The following SUSD4 variants were observed in gnomAD, a reference collection of about 807,000 sequenced individuals.
SUSD4 encodes sushi domain containing 4, also known as sushi domain-containing protein 4.
In SUSD4, 41 loss-of-function variants were observed where a neutral mutation model predicts 50.5. The ratio of observed to expected loss-of-function variants is 0.81; its 90% CI spans 0.63 to 1.05. The LOEUF (loss-of-function observed/expected upper bound fraction) is 1.05, where lower values mean the gene tolerates loss of function less well. Among genes scored for constraint, SUSD4 ranks in the 50% least tolerant of loss-of-function variants. The pLI, the probability that SUSD4 is intolerant of heterozygous loss-of-function variation, is 0.00. For synonymous variants in SUSD4, 257 were observed against 257.3 expected (o/e 1.00, Z 0.01); for missense variants, 580 against 634.7 (o/e 0.91, Z 0.93).
intron 2 of SUSD4, among the ~76,000 whole-genome samples, chr1:223,342,217 T>C (rs1667798508): frequency 1.3e-5 from 2 of 152,178 alleles, no homozygotes; most frequent in Non-Finnish European, 2.9e-5. Context: ...ACTGAAGTCA[T>C]GTTCTCTAGG....
chr1:223,222,234 G>T lies in SUSD4; in HGVS notation c.1445-14C>A. The T allele has an allele frequency of 6.2e-7, 1 of 1,613,436 alleles. No individual in the cohort carries two copies. Among genetic ancestry groups the T allele is most frequent in the Non-Finnish European group, 8.5e-7 (1 of 1,179,702 alleles). ...TTAGAGGAATCTCTGTAAAAGAAGA[G>T]ACGGTTATTAGCTTAACATAACCAG... On this transcript the variant is annotated splice_polypyrimidine_tract_variant and intron_variant, in intron 8 of 8. Coordinates refer to ENST00000366878, the MANE Select transcript of SUSD4 (RefSeq NM_017982.4).
intron 5 of SUSD4, among the ~76,000 whole-genome samples, chr1:223,230,341 A>G (rs1659811147): frequency 1.3e-5 from 2 of 152,032 alleles, no homozygotes; most frequent in East Asian, 1.9e-4. Flanking sequence ...AGATTCTATC[A>G]GTGCCAACTT....
chr1:223,262,860 C>T (rs1202040435), intron 5 of SUSD4, among the ~76,000 whole-genome samples: 1 of 152,186 alleles, frequency 6.6e-6, no homozygotes. Context: ...AGCTGTCAGC[C>T]AGGGTTTTCC....
At chr1:223,302,306 A>T (rs779620916) in intron 2 of SUSD4, among the ~76,000 whole-genome samples, 2 of 152,336 alleles carry the variant, frequency 1.3e-5, no homozygotes, top group Admixed American at 1.3e-4. Context: ...TCTTTATAGC[A>T]GTGTGAGAAC....
At chr1:223,345,585 A>C (rs892647102) in intron 2 of SUSD4, among the ~76,000 whole-genome samples, 1 of 152,182 alleles carries the variant, frequency 6.6e-6, no homozygotes, top group Non-Finnish European at 1.5e-5. Context: ...CTGAACACTG[A>C]TTATAATTAC....
chr1:223,293,031 A>G (rs1280922616), intron 2 of SUSD4, among the ~76,000 whole-genome samples: 3 of 152,142 alleles, frequency 2.0e-5, no homozygotes, highest in Non-Finnish European at 4.4e-5. Context: ...GCCTTGAGGA[A>G]GGGGTGAAAT....
intron 5 of SUSD4, among the ~76,000 whole-genome samples, chr1:223,232,876 A>T (rs1444413900): frequency 2.0e-5 from 3 of 152,202 alleles, no homozygotes; most frequent in African/African-American, 7.2e-5. Context: ...AATGAGTGAA[A>T]CAATTCCCAA....
chr1:223,342,407 A>C (rs1667808811), intron 2 of SUSD4, among the ~76,000 whole-genome samples: 1 of 152,252 alleles, frequency 6.6e-6, no homozygotes, highest in Admixed American at 6.5e-5. Flanking sequence ...CAAAATTAAC[A>C]AAATGATTCC....
Position 223,342,717 on chromosome 1 carries a change from A to G in SUSD4, c.148+20561T>C, listed in dbSNP as rs1667824688. Reference sequence around the variant, plus strand: ...CTAACCATCTGGATAAAAATTAACAATATCCTTACATTTCCCAGCACGCAA... The same window carrying G: ...CTAACCATCTGGATAAAAATTAACAGTATCCTTACATTTCCCAGCACGCAA... On this transcript the variant is annotated intron_variant, in intron 2 of 8. Transcript: ENST00000366878. 2.0e-5 allele frequency among the ~76,000 whole-genome samples: 3 copies of G among 152,382 alleles called. No individual in the cohort carries two copies. In the South Asian group the frequency reaches 6.2e-4, roughly 32 times the overall value.
rs187989742 is a variant in SUSD4, at chr1:223,333,136, C to T, written c.148+30142G>A. ...CAATCCAGGCACTGACTGTAACCTC[C>T]CCCGTTACGGTGACGGCAAAATGGT... On this transcript the variant is annotated intron_variant, in intron 2 of 8. Transcript: ENST00000366878. 2.0e-4 allele frequency among the ~76,000 whole-genome samples: 30 copies of T among 152,232 alleles called. No individual in the cohort carries two copies. In the East Asian group the frequency reaches 2.9e-3, roughly 15 times the overall value.
At chr1:223,341,365 C>G (rs955975694) in intron 2 of SUSD4, among the ~76,000 whole-genome samples, 2 of 152,230 alleles carry the variant, frequency 1.3e-5, no homozygotes, top group Admixed American at 1.3e-4. Flanking sequence ...TTAAAAATAG[C>G]AAAGCCACGG....
chr1:223,284,869 G>C (rs1018090089), intron 3 of SUSD4, among the ~76,000 whole-genome samples: 1 of 152,146 alleles, frequency 6.6e-6, no homozygotes, highest in Non-Finnish European at 1.5e-5. Flanking sequence ...GGGAAGGGTA[G>C]GGGAAAGGGT....
intron 2 of SUSD4, among the ~76,000 whole-genome samples, chr1:223,356,195 T>C (rs1485769375): frequency 1.3e-5 from 2 of 152,040 alleles, no homozygotes; most frequent in Non-Finnish European, 2.9e-5. Context: ...GATAGTTTTC[T>C]TCTCTCTTAG....
intron 2 of SUSD4, among the ~76,000 whole-genome samples, chr1:223,321,516 T>C (rs992637906): frequency 6.6e-6 from 1 of 152,246 alleles, no homozygotes; most frequent in Non-Finnish European, 1.5e-5. Flanking sequence ...CCAGTGCCCT[T>C]CATCTCTTCT....
intron 2 of SUSD4, 85 bp from the exon 3 acceptor site, chr1:223,292,736 A>G (rs1664579756): frequency 2.8e-6 from 4 of 1,414,986 alleles, no homozygotes; most frequent in Admixed American, 2.0e-5. Context: ...CAGACCCTGC[A>G]TGATGTCATA....
chr1:223,225,834 C>A (rs537303553), intron 7 of SUSD4, among the ~76,000 whole-genome samples: 16 of 152,270 alleles, frequency 1.1e-4, no homozygotes, highest in African/African-American at 3.9e-4. Context: ...CTCCCATACA[C>A]CCCTCGTCAA....
chr1:223,307,865 C>T (rs1665638742), intron 2 of SUSD4, among the ~76,000 whole-genome samples: 1 of 152,106 alleles, frequency 6.6e-6, no homozygotes, highest in African/African-American at 2.4e-5. Flanking sequence ...GAAAATCTTG[C>T]TCCTATCACC....
chr1:223,264,352 T>C lies in SUSD4; in HGVS notation c.724+278A>G, dbSNP rs1429069115. 3.5e-6 allele frequency: 4 copies of C among 1,144,952 alleles called. No individual in the cohort carries two copies. The African/African-American group carries it at 6.4e-5, about 18-fold the overall frequency. The allele number at this position is 1,144,952 out of a possible 1,614,324, so 70.9% of individuals were successfully genotyped here. ...AAAATTAATTTTTGAAGACATTTCA[T>C]TTAACTTTGCAATATTTTGTAATTT... On this transcript the variant is annotated intron_variant, in intron 5 of 8. Transcript: ENST00000366878.
At chr1:223,325,158 T>C (rs1420154704) in intron 2 of SUSD4, among the ~76,000 whole-genome samples, 45 of 152,310 alleles carry the variant, frequency 3.0e-4, no homozygotes, top group Non-Finnish European at 7.4e-5. Flanking sequence ...CCTTCTCTCC[T>C]GTCTTCCCCC....
Sources: gnomAD v4.1 joint callset for allele counts (sites outside exome capture counted in the v4.1 genomes callset) on GRCh38, gnomAD v4.1.1 for gene constraint, MANE v1.5 for transcripts, NCBI Gene and HGNC (gene_info 2026-07-23, HGNC 2026-07-21) for gene names.